The following FSTL5 variants were observed in gnomAD, a reference collection of about 807,000 sequenced individuals.
FSTL5 encodes follistatin-related protein 5.
FSTL5 carries 62 observed loss-of-function variants against 89.1 expected under a neutral mutation model. That is an observed-to-expected ratio of 0.70 (90% CI 0.57 to 0.86). FSTL5 has a LOEUF of 0.86. Among genes scored for constraint, FSTL5 ranks in the 40% least tolerant of loss-of-function variants. The pLI is 0.00. For synonymous variants in FSTL5, 383 were observed against 346.2 expected, an observed-to-expected ratio of 1.11 and a Z score of -1.18; for missense variants, 1,057 against 1,001.6, an observed-to-expected ratio of 1.06 and a Z score of -0.75.
At chr4:162,127,890 T>C (rs1237361507) in intron 1 of FSTL5, among the ~76,000 whole-genome samples, 1 of 152,176 alleles carries the variant, frequency 6.6e-6, no homozygotes, top group East Asian at 1.9e-4. Context: ...TACACATTTA[T>C]GGGATACACA....
At chr4:162,026,304 C>CTTTTTTTTTTTTTTTTTTTTGT (rs397996028) in intron 3 of FSTL5, among the ~76,000 whole-genome samples, 1 of 79,474 alleles carries the variant, frequency 1.3e-5, no homozygotes, top group Non-Finnish European at 2.2e-5. Context: ...TATGTATTTT[C>CTTTTTTTTTTTTTTTTTTTTGT]TTTTTTTTTT....
At chr4:162,029,623 GA>G (rs1328807832) in intron 3 of FSTL5, among the ~76,000 whole-genome samples, 1 of 152,024 alleles carries the variant, frequency 6.6e-6, no homozygotes, top group Non-Finnish European at 1.5e-5. Context: ...CACTTTCTTA[GA>G]ACACTATTGT....
At chr4:161,709,116 T>G (rs983672093) in intron 6 of FSTL5, among the ~76,000 whole-genome samples, 1 of 152,168 alleles carries the variant, frequency 6.6e-6, no homozygotes, top group South Asian at 2.1e-4. Context: ...TATAGTAGAC[T>G]TATGTTAGTG....
intron 5 of FSTL5, among the ~76,000 whole-genome samples, chr4:161,759,787 T>C (rs1301439117): frequency 6.6e-6 from 1 of 152,140 alleles, no homozygotes; most frequent in African/African-American, 2.4e-5. Context: ...ACAGTGGAAC[T>C]CAACAAATCT....
At chr4:161,461,464 A>C in intron 13 of FSTL5, among the ~76,000 whole-genome samples, 1 of 60,210 alleles carries the variant, frequency 1.7e-5, no homozygotes. Context: ...CCGTCTCAAA[A>C]AAAAAAAAAA....
At chr4:162,037,400 G>A (rs1437779040) in intron 2 of FSTL5, among the ~76,000 whole-genome samples, 1 of 151,870 alleles carries the variant, frequency 6.6e-6, no homozygotes, top group Non-Finnish European at 1.5e-5. Flanking sequence ...TCTGAAATTT[G>A]AGAAGATGGA....
At chr4:161,397,187 A>T (rs975541312) in intron 15 of FSTL5, among the ~76,000 whole-genome samples, 1 of 152,124 alleles carries the variant, frequency 6.6e-6, no homozygotes, top group African/African-American at 2.4e-5. Context: ...CTATTCGATG[A>T]TATTTTCCTA....
chr4:161,746,531 G>T (rs1740209676), intron 6 of FSTL5, among the ~76,000 whole-genome samples: 1 of 152,198 alleles, frequency 6.6e-6, no homozygotes, highest in African/African-American at 2.4e-5. Flanking sequence ...GTGCTGTAAA[G>T]GTTCCCACCA....
intron 4 of FSTL5, among the ~76,000 whole-genome samples, chr4:161,894,042 T>C (rs1440601): frequency 0.83 from 126,812 of 152,136 alleles, 53,493 homozygotes; most frequent in Non-Finnish European, 0.9. Context: ...GGTTGTTTTA[T>C]AAAATGATCA....
chr4:161,749,520 C>A (rs920361848), intron 6 of FSTL5, among the ~76,000 whole-genome samples: 3 of 151,940 alleles, frequency 2.0e-5, no homozygotes, highest in African/African-American at 7.3e-5. Context: ...ATAATAGGCC[C>A]GGCGCGGTGG....
intron 3 of FSTL5, among the ~76,000 whole-genome samples, chr4:161,960,971 C>T (rs1735158589): frequency 6.6e-6 from 1 of 151,762 alleles, no homozygotes; most frequent in Admixed American, 6.6e-5. Context: ...AAATTCTCAT[C>T]CTAAATATAT....
intron 7 of FSTL5, among the ~76,000 whole-genome samples, chr4:161,613,774 T>C (rs1160640693): frequency 6.6e-6 from 1 of 152,160 alleles, no homozygotes. Flanking sequence ...CTGGAACATA[T>C]TTGGTTTGTG....
chr4:162,102,752 T>G (rs1286619470), intron 2 of FSTL5, among the ~76,000 whole-genome samples: 1 of 146,692 alleles, frequency 6.8e-6, no homozygotes, highest in African/African-American at 2.5e-5. Flanking sequence ...TACACATATA[T>G]AAATATGTAT....
At chr4:162,101,837 A>C (rs1731009059) in intron 2 of FSTL5, among the ~76,000 whole-genome samples, 1 of 152,206 alleles carries the variant, frequency 6.6e-6, no homozygotes, top group Non-Finnish European at 1.5e-5. Context: ...TTTAATAATA[A>C]AACATGCAGA....
intron 4 of FSTL5, among the ~76,000 whole-genome samples, chr4:161,893,029 G>GT (rs1428921070): frequency 1.3e-5 from 2 of 152,066 alleles, no homozygotes; most frequent in Non-Finnish European, 1.5e-5. Flanking sequence ...TAAAATTTCT[G>GT]TTTTAACACT....
intron 3 of FSTL5, among the ~76,000 whole-genome samples, chr4:161,980,319 A>G (rs961996023): frequency 6.6e-5 from 10 of 152,056 alleles, no homozygotes; most frequent in Admixed American, 1.3e-4. Flanking sequence ...AAGATAATTT[A>G]TGGAACTGCA....
intron 2 of FSTL5, among the ~76,000 whole-genome samples, chr4:162,070,163 AATGACTATGCAG>A (rs1321804604): frequency 6.6e-6 from 1 of 151,756 alleles, no homozygotes; most frequent in Non-Finnish European, 1.5e-5. Context: ...TCTTTTAATA[AATGACTATGCAG>A]ATCCTTTGCC....
intron 1 of FSTL5, among the ~76,000 whole-genome samples, chr4:162,118,152 G>C (rs1731716719): frequency 6.6e-6 from 1 of 152,186 alleles, no homozygotes; most frequent in East Asian, 1.9e-4. Context: ...AAGTTTGTTT[G>C]TTGTAACAGT....
At chr4:161,894,380 AT>A (rs1733086601) in intron 4 of FSTL5, among the ~76,000 whole-genome samples, 1 of 152,226 alleles carries the variant, frequency 6.6e-6, no homozygotes, top group South Asian at 2.1e-4. Flanking sequence ...TCTGTTTTGT[AT>A]TTGAAAAGCT....
Sources: allele counts gnomAD v4.1 joint callset (sites outside exome capture counted in the v4.1 genomes callset), GRCh38; gene constraint gnomAD v4.1.1; transcripts MANE v1.5; gene names NCBI Gene and HGNC (gene_info 2026-07-23, HGNC 2026-07-21).